Variants in CYP2R1 observed in about 807,000 individuals in gnomAD.
CYP2R1 encodes the protein vitamin D 25-hydroxylase.
CYP2R1 carries 40 observed loss-of-function variants against 45.7 expected under a neutral mutation model. The observed-to-expected ratio is 0.87, with a 90% CI of 0.68 to 1.14. CYP2R1 has a LOEUF of 1.14. Among genes scored for constraint, CYP2R1 ranks in the 50% most tolerant of loss-of-function variants. The pLI is 0.00. For missense variants in CYP2R1, 605 were observed against 602.6 expected (o/e 1.00, Z -0.04); for synonymous variants, 234 against 219.3 (o/e 1.07, Z -0.59).
chr11:14,879,599 A>C (rs1848297030), intron 3 of CYP2R1, among the ~76,000 whole-genome samples, 156 bp from the exon 4 acceptor site: 3 of 152,092 alleles, frequency 2.0e-5, no homozygotes, highest in Non-Finnish European at 4.4e-5. Flanking sequence ...GTTCTATTGA[A>C]ATATATGCTA....
Position 14,880,439 on chromosome 11 carries a change from G to A in CYP2R1, c.697C>T (p.Pro233Ser). 4 of 1,613,404 alleles carry A rather than the reference G, an allele frequency of 2.5e-6. 1 individual carries two copies. In the African/African-American group the frequency reaches 5.3e-5, roughly 22 times the overall value. Residue 233 changes from proline to serine, a missense_variant, in exon 3 of 5, where the codon CCA (proline) becomes TCA (serine). Transcript: ENST00000334636. ...CCAAAAGGCAGGATGCCAATCCATGGAAAGGCATTATACAAGAAGACTGAG... is the reference window on the plus strand; with the variant it reads ...CCAAAAGGCAGGATGCCAATCCATGAAAAGGCATTATACAAGAAGACTGAG... ...SASVFLYNAFPWIGILPFGKH... is the reference protein window; with the variant it reads ...SASVFLYNAFSWIGILPFGKH...
Position 14,890,837 on chromosome 11 carries a change from C to G in CYP2R1, c.225+1144G>C, listed in dbSNP as rs868992207. 5 of 984,148 alleles carry G rather than the reference C, an allele frequency of 5.1e-6. No homozygotes were observed. In the African/African-American group the frequency reaches 8.7e-5, roughly 17 times the overall value. The allele number at this position is 984,148 out of a possible 1,614,324, so 61.0% of individuals were successfully genotyped here. A position where few individuals can be genotyped will look rare whatever the true frequency, so the allele number is the denominator to read the frequency against. ...TGCTGGGATTATAGGCGTGAGCCAC[C>G]GCGCCCGGGCACCTAGACCAATCCT... is the stretch of plus-strand genomic sequence containing the variant. On this transcript the variant is annotated intron_variant, in intron 1 of 4. Transcript: ENST00000334636.
chr11:14,891,943 T>TGGCGGCCCTCCCTGCCC, intron 1 of CYP2R1, 38 bp downstream of exon 1: 1 of 1,603,056 alleles, frequency 6.2e-7, no homozygotes, highest in Non-Finnish European at 8.5e-7. Context: ...CGGGCCAGCC[T>TGGCGGCCCTCCCTGCCC]GGCGGCCCTC....
intron 4 of CYP2R1, 53 bp downstream of exon 4, chr11:14,879,061 T>C: frequency 7.1e-7 from 1 of 1,408,426 alleles, no homozygotes; most frequent in Non-Finnish European, 1.0e-6. Context: ...CTGTATCTAA[T>C]GAATTATCAT....
chr11:14,882,708 A>T (rs1848437690), intron 2 of CYP2R1, among the ~76,000 whole-genome samples: 1 of 152,204 alleles, frequency 6.6e-6, no homozygotes. Flanking sequence ...GAAGGAAATA[A>T]AGGGTATTCA....
chr11:14,891,602 G>A (rs1487289465), intron 1 of CYP2R1: 5 of 1,058,954 alleles, frequency 4.7e-6, no homozygotes, highest in East Asian at 9.0e-5. Context: ...ACAGAGCTGC[G>A]AGGCCGACTC....
chr11:14,887,907 A>G (rs782072717), intron 1 of CYP2R1, among the ~76,000 whole-genome samples: 3 of 152,188 alleles, frequency 2.0e-5, no homozygotes, highest in Non-Finnish European at 4.4e-5. Context: ...TTTCTCCCTT[A>G]TAACAACAAC....
In CYP2R1 at chr11:14,878,225, C is replaced by T. The variant is rs1555010329; in HGVS notation, c.1403G>A (p.Arg468Lys). 2 of 1,613,190 alleles carry T rather than the reference C, an allele frequency of 1.2e-6. No homozygotes were observed. Among genetic ancestry groups the T allele is most frequent in the East Asian group, 4.5e-5 (2 of 44,868 alleles). Residue 468 changes from arginine (R) to lysine (K), a missense_variant, in exon 5 of 5, where the codon AGG (arginine) becomes AAG (lysine). Coordinates refer to ENST00000334636, the MANE Select transcript of CYP2R1 (RefSeq NM_024514.5). ...MFLFFTALLQ[R>K]FHLHFPHELV... Reference sequence around the variant, plus strand: ...TTCATGTGGAAAATGCAAATGAAACCTCTGAAGCAATGCTGTAAAAAACAA... The same window carrying T: ...TTCATGTGGAAAATGCAAATGAAACTTCTGAAGCAATGCTGTAAAAAACAA...
chr11:14,884,196 A>T (rs1413900344), intron 2 of CYP2R1, among the ~76,000 whole-genome samples: 2 of 151,982 alleles, frequency 1.3e-5, no homozygotes, highest in Admixed American at 6.5e-5. Flanking sequence ...TACCCAAAGG[A>T]CTATAAATCA....
At chr11:14,885,160 T>C (rs1555013993) in intron 2 of CYP2R1, among the ~76,000 whole-genome samples, 2 of 152,202 alleles carry the variant, frequency 1.3e-5, no homozygotes, top group African/African-American at 2.4e-5. Flanking sequence ...TAAAAATTCT[T>C]ATACTATTAA....
rs1565176058 is a variant in CYP2R1, at chr11:14,878,280, CAAG to C, written c.1345_1347del (p.Leu449del). On this transcript the variant is annotated inframe_deletion, in exon 5 of 5. Coordinates refer to ENST00000334636, the MANE Select transcript of CYP2R1 (RefSeq NM_024514.5). ...ATTTCCATCCGAGCCAAGTGTTCTC[CAAG>C]ACAATGTCTTCTTCCTAAACAGAAA... is the stretch of plus-strand genomic sequence containing the variant. 1 of 1,612,934 alleles carries C rather than the reference CAAG, an allele frequency of 6.2e-7. No individual in the cohort carries two copies. Among genetic ancestry groups the C allele is most frequent in the Admixed American group, 1.7e-5 (1 of 59,824 alleles).
Position 14,878,256 on chromosome 11 carries a change from T to C in CYP2R1, c.1372A>G (p.Met458Val). ...AGCAATGCTGTAAAAAACAAGAACA[T>C]TTCCATCCGAGCCAAGTGTTCTCCA... ...CLGEHLARME[M>V]FLFFTALLQR... Residue 458 changes from methionine (M) to valine (V), a missense_variant, in exon 5 of 5, where the codon ATG becomes GTG. Met to Val is a conservative substitution (Grantham distance 21, BLOSUM62 1). Coordinates refer to ENST00000334636, the MANE Select transcript of CYP2R1 (RefSeq NM_024514.5). The C allele has an allele frequency of 1.2e-6, 2 of 1,613,080 alleles. No individual in the cohort carries two copies. Among genetic ancestry groups the C allele is most frequent in the South Asian group, 1.1e-5 (1 of 91,036 alleles).
Position 14,880,781 on chromosome 11 carries a change from A to T in CYP2R1, c.368-13T>A, listed in dbSNP as rs1555012050. On this transcript the variant is annotated splice_polypyrimidine_tract_variant and intron_variant, in intron 2 of 4. Transcript: ENST00000334636. Reference sequence around the variant, plus strand: ...GAATTGAGTAAGCCTGAAAAAAAATATTAAAATATTGTATAATTCCTACTT... The same window carrying T: ...GAATTGAGTAAGCCTGAAAAAAAATTTTAAAATATTGTATAATTCCTACTT... 1.3e-6 allele frequency: 2 copies of T among 1,599,460 alleles called. No homozygotes were observed. Among genetic ancestry groups the T allele is most frequent in the Non-Finnish European group, 1.7e-6 (2 of 1,174,800 alleles).
Position 14,891,965 on chromosome 11 carries a change from C to T in CYP2R1, c.225+16G>A, listed in dbSNP as rs1848875156. 2 of 1,610,850 alleles carry T rather than the reference C, an allele frequency of 1.2e-6. No homozygotes were observed. The highest frequency in any genetic ancestry group is 1.7e-6 in the Non-Finnish European group (2 of 1,178,832). ...GCCTGGCGGCCCTCCCTGCCCGGGG[C>T]CCGTCGGGGCTGTACCTCTCCGTAC... On this transcript the variant is annotated intron_variant, in intron 1 of 4. Coordinates refer to ENST00000334636, the MANE Select transcript of CYP2R1 (RefSeq NM_024514.5).
chr11:14,886,583 A>G (rs1349891438), intron 1 of CYP2R1: 1 of 152,864 alleles, frequency 6.5e-6, no homozygotes, highest in Non-Finnish European at 1.5e-5. Context: ...GCCTTGCTGG[A>G]GTTGTCTGCC....
rs1555017311 is a variant in CYP2R1, at chr11:14,892,084, G to A, written c.122C>T (p.Pro41Leu). ...LKQRRPMGFP[P>L]GPPGLPFIGN... The stretch of plus-strand genomic sequence containing the variant: ...GATAAATGGCAGCCCCGGCGGCCCC[G>A]GGGGGAAGCCCATCGGCCGCCTCTG... The change falls in exon 1 of 5, where the codon CCG becomes CTG. Residue 41 changes from proline to leucine, a missense_variant. Transcript: ENST00000334636. 1.9e-6 allele frequency: 3 copies of A among 1,611,756 alleles called. No individual in the cohort carries two copies. Among genetic ancestry groups the A allele is most frequent in the Non-Finnish European group, 2.5e-6 (3 of 1,179,656 alleles).
chr11:14,889,405 G>T (rs1453556932), intron 1 of CYP2R1, among the ~76,000 whole-genome samples: 1 of 152,132 alleles, frequency 6.6e-6, no homozygotes, highest in Non-Finnish European at 1.5e-5. Flanking sequence ...TTCATACCAG[G>T]ATAAAGATCA....
chr11:14,886,000 C>G, intron 1 of CYP2R1, 83 bp from the exon 2 acceptor site: 1 of 1,368,334 alleles, frequency 7.3e-7, no homozygotes, highest in Non-Finnish European at 1.0e-6. Context: ...GTGGTAAGTG[C>G]GGCTCTTCCA....
intron 1 of CYP2R1, chr11:14,886,465 G>A (rs1331756164): frequency 6.4e-6 from 1 of 155,498 alleles, no homozygotes; most frequent in African/African-American, 2.4e-5. Context: ...TCCACAAAGT[G>A]AATGAAGAGG....
Sources: gnomAD v4.1 joint callset for allele counts (sites outside exome capture counted in the v4.1 genomes callset) on GRCh38, gnomAD v4.1.1 for gene constraint, MANE v1.5 for transcripts, NCBI Gene and HGNC (gene_info 2026-07-23, HGNC 2026-07-21) for gene names.